AXIN2: variants seen among roughly 807,000 people sequenced by gnomAD.
AXIN2 encodes axin 2.
Under a neutral mutation model 74.7 loss-of-function variants are expected in AXIN2, and 21 were observed. The ratio of observed to expected loss-of-function variants is 0.28; its 90% CI spans 0.20 to 0.40. The LOEUF (loss-of-function observed/expected upper bound fraction) is 0.40. AXIN2 is among the 10% of genes least tolerant of loss of function. The pLI is 1.00. For synonymous variants in AXIN2, 532 were observed against 454.9 expected, an observed-to-expected ratio of 1.17 and a Z score of -2.16; for missense variants, 1,144 against 1,111.1, an observed-to-expected ratio of 1.03 and a Z score of -0.42.
Position 65,536,369 on chromosome 17 carries a change from C to G in AXIN2, c.2092G>C (p.Glu698Gln). Residue 698 changes from glutamate (E) to glutamine (Q), a missense_variant, in exon 8 of 11, where the codon GAG (glutamate) becomes CAG (glutamine). This residue lies in a region of AXIN2 where 1,053 missense variants were observed against 973.5 expected (regional missense o/e 1.08). Coordinates refer to ENST00000307078, the MANE Select transcript of AXIN2 (RefSeq NM_004655.4). ...LTPPNTLAQL[E>Q]EACRRLAEVS... ...TCAGCTAGCCTGCGACAGGCCTCCT[C>G]CAGCTGAGCCAGCGTGTTGGGTGGG... 1 of 1,613,628 alleles carries G rather than the reference C, an allele frequency of 6.2e-7. No homozygotes were observed. The highest frequency in any genetic ancestry group is 2.2e-5 in the East Asian group (1 of 44,882).
intron 3 of AXIN2, among the ~76,000 whole-genome samples, chr17:65,547,316 T>C (rs1192787888): frequency 6.6e-6 from 1 of 152,232 alleles, no homozygotes; most frequent in African/African-American, 2.4e-5. Context: ...CCGGTCCTAT[T>C]CACAGATCTC....
rs746140442 is a variant in AXIN2 at position 65,549,558 on chromosome 17, C to A, written c.918G>T (p.Ala306=). ...SANDSEISSD[A]LTDDSMSMTD... ...TCATGGACATGGAATCATCCGTCAGCGCATCACTGGATATCTCACTGTCGT... is the reference window on the plus strand; with the variant it reads ...TCATGGACATGGAATCATCCGTCAGAGCATCACTGGATATCTCACTGTCGT... Residue 306 remains alanine (A), a synonymous_variant, in exon 3 of 11, where the codon GCG becomes GCT. Coordinates refer to ENST00000307078, the MANE Select transcript of AXIN2 (RefSeq NM_004655.4). 1 of 1,611,340 alleles carries A rather than the reference C, an allele frequency of 6.2e-7. No individual in the cohort carries two copies. Among genetic ancestry groups the A allele is most frequent in the Non-Finnish European group, 8.5e-7 (1 of 1,178,788 alleles).
At chr17:65,540,033 G>T (rs368296139) in intron 4 of AXIN2, among the ~76,000 whole-genome samples, 18 of 152,160 alleles carry the variant, frequency 1.2e-4, no homozygotes, top group Admixed American at 1.1e-3. Context: ...TAAACACTTC[G>T]TTCATTCCGC....
At chr17:65,553,884 A>T (rs752836025) in intron 2 of AXIN2, among the ~76,000 whole-genome samples, 3 of 151,110 alleles carry the variant, frequency 2.0e-5, no homozygotes, top group Non-Finnish European at 4.4e-5. Context: ...ACGCTACAGT[A>T]ATTGTACCCA....
intron 2 of AXIN2, among the ~76,000 whole-genome samples, chr17:65,551,130 A>C (rs559437871): frequency 5.3e-4 from 81 of 152,306 alleles, no homozygotes; most frequent in African/African-American, 1.9e-3. Context: ...GCCTTAGTAC[A>C]GGTAACCCAG....
At chr17:65,540,958 C>A (rs2044032547) in intron 4 of AXIN2, among the ~76,000 whole-genome samples, 1 of 152,192 alleles carries the variant, frequency 6.6e-6, no homozygotes, top group Non-Finnish European at 1.5e-5. Context: ...CTCACTACAA[C>A]CTCCACCTCC....
intron 3 of AXIN2, among the ~76,000 whole-genome samples, chr17:65,546,441 G>A (rs538063979): frequency 1.7e-3 from 259 of 152,276 alleles, no homozygotes; most frequent in African/African-American, 6.1e-3. Context: ...AGGGCCAGTC[G>A]GCCAGAGAAC....
chr17:65,529,019 A>C lies in AXIN2; in HGVS notation c.*957T>G, dbSNP rs112415132. On this transcript the variant is annotated 3_prime_UTR_variant, in exon 11 of 11. Transcript: ENST00000307078. ...CTGCTGGGTCTCCCTACAACTGTTC[A>C]TTTCTTTGTGGGGCAGGGGGTAGTT... is the stretch of plus-strand genomic sequence containing the variant. 5,025 of 239,726 alleles carry C rather than the reference A, an allele frequency of 0.021. 265 individuals carry two copies. Among genetic ancestry groups the C allele is most frequent in the African/African-American group, 0.1 (4,700 of 45,464 alleles). The allele number at this position is 239,726 out of a possible 1,614,324, so 14.8% of individuals were successfully genotyped here.
intron 8 of AXIN2, 58 bp downstream of exon 8, chr17:65,536,262 C>T: frequency 6.6e-7 from 1 of 1,519,874 alleles, no homozygotes; most frequent in Non-Finnish European, 8.9e-7. Flanking sequence ...AGCCACAGAC[C>T]AGGTCTCCAC....
intron 2 of AXIN2, among the ~76,000 whole-genome samples, chr17:65,551,166 G>A (rs995249365): frequency 6.6e-6 from 1 of 152,128 alleles, no homozygotes; most frequent in Non-Finnish European, 1.5e-5. Context: ...TTTCTAGGAG[G>A]GACAGTTGGG....
At position 65,529,986 on chromosome 17, in the gene AXIN2, C is replaced by A; in HGVS notation, c.2522G>T (p.Arg841Leu). 1 of 1,614,190 alleles carries A rather than the reference C, an allele frequency of 6.2e-7. No individual in the cohort carries two copies. Among genetic ancestry groups the A allele is most frequent in the East Asian group, 2.2e-5 (1 of 44,892 alleles). Residue 841 changes from arginine (R) to leucine (L), a missense_variant, in exon 11 of 11, where the codon CGG (arginine) becomes CTG (leucine). Physicochemically the swap from Arg to Leu is moderately radical, Grantham distance 102. Around this residue, in one of 4 missense-constraint regions of AXIN2, gnomAD observed 65 missense variants for 95.7 expected, o/e 0.68. Transcript: ENST00000307078. Reference protein sequence around the residue: ...YEGRILGKVERID With the variant: ...YEGRILGKVELID ...GCCAGACCCCAGGGCTCAATCGATC[C>A]GCTCCACTTTGCCCAGAATCCGGCC...
intron 3 of AXIN2, among the ~76,000 whole-genome samples, chr17:65,543,489 C>T (rs1366762231): frequency 3.3e-5 from 5 of 152,212 alleles, no homozygotes; most frequent in African/African-American, 9.6e-5. Context: ...TACCGAGTCC[C>T]TACTGTACGT....
At chr17:65,534,860 G>A (rs1338565044) in intron 9 of AXIN2, among the ~76,000 whole-genome samples, 1 of 152,174 alleles carries the variant, frequency 6.6e-6, no homozygotes, top group Admixed American at 6.5e-5. Flanking sequence ...AACCCAGGAG[G>A]CGGAGGCTGC....
At chr17:65,541,232 A>C (rs2044037079) in intron 4 of AXIN2, among the ~76,000 whole-genome samples, 1 of 152,112 alleles carries the variant, frequency 6.6e-6, no homozygotes, top group South Asian at 2.1e-4. Flanking sequence ...TTATAGCAAA[A>C]CTGACTGATA....
chr17:65,539,196 C>T (rs1228398105), intron 4 of AXIN2, among the ~76,000 whole-genome samples: 1 of 152,230 alleles, frequency 6.6e-6, no homozygotes, highest in Non-Finnish European at 1.5e-5. Context: ...AACCCCCCAC[C>T]TCTCCAGTTG....
intron 10 of AXIN2, among the ~76,000 whole-genome samples, chr17:65,531,985 C>T (rs1399592365): frequency 6.6e-6 from 1 of 152,066 alleles, no homozygotes; most frequent in Non-Finnish European, 1.5e-5. Context: ...GAAGCACCAG[C>T]CCTGCTGGGA....
chr17:65,555,093 G>A (rs757420670), intron 2 of AXIN2, among the ~76,000 whole-genome samples: 1 of 152,134 alleles, frequency 6.6e-6, no homozygotes, highest in Non-Finnish European at 1.5e-5. Context: ...TATTAAACCT[G>A]ACACCAAATC....
rs2144468873 is a variant in AXIN2, at chr17:65,537,835, C to T, written c.1201G>A (p.Asp401Asn). The T allele has an allele frequency of 1.9e-6, 3 of 1,549,946 alleles. No homozygotes were observed. Among genetic ancestry groups the T allele is most frequent in the East Asian group, 4.6e-5 (2 of 43,480 alleles). ...LEERLQQIRE[D>N]EEREGSELTL... ...AGCTCGGAGCCCTCTCTCTCTTCATCCTGAAAGGGAAGACGTCAGAAGGAG... is the reference window on the plus strand; with the variant it reads ...AGCTCGGAGCCCTCTCTCTCTTCATTCTGAAAGGGAAGACGTCAGAAGGAG... The change falls in exon 6 of 11, where the codon GAT becomes AAT. Residue 401 changes from aspartate (D) to asparagine (N), a missense_variant and splice_region_variant. By Grantham distance (23) the Asp-to-Asn change is conservative (BLOSUM62 1). Transcript: ENST00000307078.
intron 8 of AXIN2, 125 bp downstream of exon 8, chr17:65,536,195 A>G: frequency 1.0e-6 from 1 of 987,644 alleles, no homozygotes; most frequent in Non-Finnish European, 1.6e-6. Flanking sequence ...TCCATAAGTA[A>G]TTCTTCTTCT....
Sources: allele counts gnomAD v4.1 joint callset (sites outside exome capture counted in the v4.1 genomes callset), GRCh38; gene constraint gnomAD v4.1.1; regional missense constraint gnomAD v4.1.1; transcripts MANE v1.5; gene names NCBI Gene and HGNC (gene_info 2026-07-23, HGNC 2026-07-21).